The following PCNT variants were observed in gnomAD, a reference collection of about 807,000 sequenced individuals.
PCNT encodes kendrin.
PCNT carries 319 observed loss-of-function variants against 380.4 expected under a neutral mutation model. The ratio of observed to expected loss-of-function variants is 0.84; its 90% CI spans 0.77 to 0.92. PCNT has a LOEUF of 0.92. PCNT is among the 40% of genes least tolerant of loss of function. The pLI is 0.00. For missense variants in PCNT, 4,400 were observed against 4,255.3 expected (o/e 1.03, Z -0.95); for synonymous variants, 1,845 against 1,735.2 (o/e 1.06, Z -1.57).
At chr21:46,383,622 A>C (rs1326210998) in intron 16 of PCNT, among the ~76,000 whole-genome samples, 1 of 142,354 alleles carries the variant, frequency 7.0e-6, no homozygotes, top group Non-Finnish European at 1.5e-5. Context: ...GTGTGCGTTC[A>C]GTGGCAGAAG....
rs2053679864 is a variant in PCNT at position 46,443,922 on chromosome 21, A to G, written c.9813A>G (p.Ala3271=). The G allele has an allele frequency of 1.2e-6, 2 of 1,612,438 alleles. No individual in the cohort carries two copies. Among genetic ancestry groups the G allele is most frequent in the East Asian group, 4.5e-5 (2 of 44,878 alleles). Residue 3271 remains alanine, a synonymous_variant, in exon 45 of 47, where the codon GCA becomes GCG. Coordinates refer to ENST00000359568, the MANE Select transcript of PCNT (RefSeq NM_006031.6). The part of the protein sequence containing the change: ...RDPARGRRLA[A]AASPHSGGRA... ...CTGCCAGAGGCCGCAGACTGGCAGC[A>G]GCAGCCTCCCCACACAGTGGGGGAA...
chr21:46,368,839 G>A (rs113205703), intron 15 of PCNT, among the ~76,000 whole-genome samples: 41 of 152,322 alleles, frequency 2.7e-4, no homozygotes, highest in African/African-American at 8.2e-4. Flanking sequence ...AGAAGTACAC[G>A]TTCCAAACTA....
intron 31 of PCNT, chr21:46,421,090 G>A (rs963268117): frequency 3.3e-5 from 5 of 152,298 alleles, no homozygotes; most frequent in African/African-American, 1.2e-4. Flanking sequence ...GGTTCATTTT[G>A]TGAATGACGT....
chr21:46,363,424 C>T, intron 13 of PCNT, 56 bp from the exon 14 acceptor site: 2 of 1,443,794 alleles, frequency 1.4e-6, no homozygotes, highest in South Asian at 1.2e-5. Flanking sequence ...GTTGTCTCTT[C>T]TAATAATCTC....
intron 3 of PCNT, among the ~76,000 whole-genome samples, chr21:46,341,397 C>T (rs756303708): frequency 1.2e-3 from 189 of 152,110 alleles, no homozygotes; most frequent in Non-Finnish European, 2.3e-3. Context: ...TGTTATGGCT[C>T]GTGGGAGTCC....
intron 3 of PCNT, among the ~76,000 whole-genome samples, chr21:46,340,150 AAG>A (rs2083871986): frequency 6.6e-6 from 1 of 152,186 alleles, no homozygotes; most frequent in Non-Finnish European, 1.5e-5. Flanking sequence ...GTGGAAGGCA[AAG>A]AGAGAGAACT....
At chr21:46,442,817 T>G in intron 44 of PCNT, 1 of 578,382 alleles carries the variant, frequency 1.7e-6, no homozygotes, top group Non-Finnish European at 3.1e-6. Context: ...ACTGAGATGC[T>G]CAATATATTG....
At position 46,430,562 on chromosome 21, in the gene PCNT, AGT is replaced by A; in HGVS notation, c.7971_7972del (p.Ser2657ArgfsTer85). 1 of 1,558,880 alleles carries A rather than the reference AGT, an allele frequency of 6.4e-7. No individual in the cohort carries two copies. Among genetic ancestry groups the A allele is most frequent in the South Asian group, 1.2e-5 (1 of 84,592 alleles). On this transcript the variant is annotated frameshift_variant, in exon 37 of 47. Coordinates refer to ENST00000359568, the MANE Select transcript of PCNT (RefSeq NM_006031.6). LOFTEE classifies it high-confidence loss of function. ...GAAGGCCGCGCTTCAGGAGCTGGAG[AGT>A]GAGCAGGGGAAGGGGCGTGCCCTGC... Reference protein sequence around the residue: ...ELKAALQELESEQGKGRALQS... With the variant: ...ELKAALQELEXEQGKGRALQS...
chr21:46,430,387 TG>T, intron 36 of PCNT, 119 bp from the exon 37 acceptor site: 3 of 1,433,544 alleles, frequency 2.1e-6, no homozygotes, highest in Non-Finnish European at 2.9e-6. Context: ...AATCCTGTGG[TG>T]GGGGGTGAAG....
At position 46,355,437 on chromosome 21, in the gene PCNT, G is replaced by T. The variant is rs202150884; in HGVS notation, c.1762-15G>T. 3 of 1,613,140 alleles carry T rather than the reference G, an allele frequency of 1.9e-6. No homozygotes were observed. The highest frequency in any genetic ancestry group is 1.7e-5 in the Admixed American group (1 of 60,034). ...TGGCTCACTAACGTGCTTGTCCCAC[G>T]TGGTTTCTCTGTAGGAGAGCCTGCC... On this transcript the variant is annotated splice_polypyrimidine_tract_variant and intron_variant, in intron 11 of 46. Coordinates refer to ENST00000359568, the MANE Select transcript of PCNT (RefSeq NM_006031.6).
chr21:46,328,038 C>T (rs1025207851), intron 2 of PCNT, among the ~76,000 whole-genome samples: 2 of 152,192 alleles, frequency 1.3e-5, no homozygotes, highest in African/African-American at 4.8e-5. Context: ...AGTGTCCCTG[C>T]TGCTGCAGCA....
intron 35 of PCNT, among the ~76,000 whole-genome samples, chr21:46,429,592 C>G (rs528125992): frequency 6.6e-6 from 1 of 152,158 alleles, no homozygotes; most frequent in African/African-American, 2.4e-5. Context: ...CCACGGGGTG[C>G]GGGAAGTATT....
intron 37 of PCNT, chr21:46,431,035 C>T (rs1226332861): frequency 2.0e-6 from 2 of 985,356 alleles, no homozygotes; most frequent in East Asian, 1.1e-4. Flanking sequence ...GCCCAGCAGG[C>T]CTGCTGTGGC....
rs536685114 is a variant in PCNT, at chr21:46,418,565, C to T, written c.7024+259C>T. ...TCACCCTGATCCAAGGCTGGCATCTCAGCTACAGCTACAGACCTTGCTCAG... is the reference window on the plus strand; with the variant it reads ...TCACCCTGATCCAAGGCTGGCATCTTAGCTACAGCTACAGACCTTGCTCAG... On this transcript the variant is annotated intron_variant, in intron 31 of 46. Transcript: ENST00000359568. Among the ~76,000 whole-genome samples, 15 of 152,358 alleles carry T rather than the reference C, an allele frequency of 9.8e-5. No individual in the cohort carries two copies. In the East Asian group the frequency reaches 2.7e-3, roughly 27 times the overall value.
chr21:46,352,972 T>A, intron 9 of PCNT, 132 bp from the exon 10 acceptor site: 1 of 747,458 alleles, frequency 1.3e-6, no homozygotes, highest in Non-Finnish European at 2.4e-6. Context: ...GGGTCCCTCA[T>A]CCCTCTCCGG....
rs147741863 is a variant in PCNT at position 46,396,153 on chromosome 21, C to T, written c.4217-1112C>T. Among the ~76,000 whole-genome samples the T allele has an allele frequency of 4.6e-3, 702 of 152,366 alleles. 3 individuals carry two copies. The highest frequency in any genetic ancestry group is 0.01 in the Middle Eastern group (3 of 294). ...CAGCAGAGAGCCCCTTTTTCCAAGA[C>T]GCTTTTTCATCTGCAGTTTCCACTT... On this transcript the variant is annotated intron_variant, in intron 21 of 46. Transcript: ENST00000359568.
intron 29 of PCNT, 30 bp from the exon 30 acceptor site, chr21:46,416,039 C>T (rs1409580494): frequency 3.1e-6 from 5 of 1,612,084 alleles, no homozygotes; most frequent in Non-Finnish European, 4.2e-6. Context: ...CCAGGTATTC[C>T]ACCGTGCACC....
chr21:46,408,894 T>A (rs1164208545), intron 27 of PCNT, among the ~76,000 whole-genome samples: 2 of 151,834 alleles, frequency 1.3e-5, no homozygotes, highest in East Asian at 3.9e-4. Flanking sequence ...GCTAATTTTT[T>A]AATGTTTTTA....
Position 46,438,333 on chromosome 21 carries a change from C to T in PCNT, c.9269C>T (p.Pro3090Leu). The T allele has an allele frequency of 6.2e-7, 1 of 1,613,664 alleles. No homozygotes were observed. The highest frequency in any genetic ancestry group is 8.5e-7 in the Non-Finnish European group (1 of 1,179,638). ...CACCATCTGCAGAAGGGCTGCAGCCCAAGCGTAGGTGTCTGTGCTTAACTC... is the reference window on the plus strand; with the variant it reads ...CACCATCTGCAGAAGGGCTGCAGCCTAAGCGTAGGTGTCTGTGCTTAACTC... ...LKHHLQKGCS[P>L]SRSERSAWKP... The change falls in exon 41 of 47, where the codon CCA (proline) becomes CTA (leucine). Residue 3090 changes from proline to leucine, a missense_variant. Pro to Leu is a moderately conservative substitution (Grantham distance 98, BLOSUM62 -3). Coordinates refer to ENST00000359568, the MANE Select transcript of PCNT (RefSeq NM_006031.6).
Sources: allele counts gnomAD v4.1 joint callset (sites outside exome capture counted in the v4.1 genomes callset), GRCh38; gene constraint gnomAD v4.1.1; transcripts MANE v1.5; gene names NCBI Gene and HGNC (gene_info 2026-07-23, HGNC 2026-07-21).